Variants in KDM4C observed in about 807,000 individuals in gnomAD.
The protein encoded by KDM4C is lysine-specific demethylase 4C.
A neutral mutation model predicts 129.3 loss-of-function variants in KDM4C; 81 were observed. The ratio of observed to expected loss-of-function variants is 0.63; its 90% CI spans 0.52 to 0.75. The LOEUF (loss-of-function observed/expected upper bound fraction) is 0.75. Among genes scored for constraint, KDM4C ranks in the 30% least tolerant of loss-of-function variants. The probability of loss-of-function intolerance (pLI) is 0.00; values close to 1 mark genes in which losing one functional copy is unlikely to be tolerated. For synonymous variants in KDM4C, 573 were observed against 456.1 expected, an observed-to-expected ratio of 1.26 and a Z score of -3.26; for missense variants, 1,457 against 1,304.0, an observed-to-expected ratio of 1.12 and a Z score of -1.81.
chr9:6,861,296 A>G (rs1840876327), intron 5 of KDM4C, among the ~76,000 whole-genome samples: 1 of 152,180 alleles, frequency 6.6e-6, no homozygotes, highest in Admixed American at 6.5e-5. Context: ...TGGTACATGT[A>G]TCCTATTTTT....
At chr9:6,732,827 G>A (rs201919315) in intron 1 of KDM4C, among the ~76,000 whole-genome samples, 1 of 152,132 alleles carries the variant, frequency 6.6e-6, no homozygotes, top group Admixed American at 6.6e-5. Context: ...AGCCTGGCCA[G>A]CATGGCGAAA....
Position 6,824,624 on chromosome 9 carries a change from G to A in KDM4C, c.435+9879G>A, listed in dbSNP as rs188773170. Among the ~76,000 whole-genome samples the A allele has an allele frequency of 3.4e-4, 48 of 139,172 alleles. No individual in the cohort carries two copies. In the East Asian group the frequency reaches 9.4e-3, roughly 27 times the overall value. The allele number at this position is 139,172 out of a possible 152,430, so 91.3% of individuals were successfully genotyped here. A position where few individuals can be genotyped will look rare whatever the true frequency, so the allele number is the denominator to read the frequency against. On this transcript the variant is annotated intron_variant, in intron 4 of 21. Coordinates refer to ENST00000381309, the MANE Select transcript of KDM4C (RefSeq NM_015061.6). Reference sequence around the variant, plus strand: ...ATTAAGGCCGGGCGTGGTGGCTCACGCAAGACTCCGTCTCAAAAAAAAAAA... The same window carrying A: ...ATTAAGGCCGGGCGTGGTGGCTCACACAAGACTCCGTCTCAAAAAAAAAAA...
chr9:7,035,771 C>A (rs1170189015), intron 15 of KDM4C, among the ~76,000 whole-genome samples: 2 of 152,094 alleles, frequency 1.3e-5, no homozygotes, highest in Non-Finnish European at 2.9e-5. Flanking sequence ...GTTCATGGCA[C>A]CTTTGTCCAA....
chr9:7,025,351 C>T (rs568008674), intron 15 of KDM4C, among the ~76,000 whole-genome samples: 5 of 152,038 alleles, frequency 3.3e-5, no homozygotes, highest in Admixed American at 2.6e-4. Flanking sequence ...GAGTTTAGTG[C>T]GTTTCCATTG....
At chr9:6,944,986 T>C (rs955950884) in intron 8 of KDM4C, among the ~76,000 whole-genome samples, 1 of 152,208 alleles carries the variant, frequency 6.6e-6, no homozygotes, top group Non-Finnish European at 1.5e-5. Context: ...TTTTTGCATG[T>C]GTTTCAATGA....
At chr9:6,846,556 CT>C (rs1287619019) in intron 4 of KDM4C, among the ~76,000 whole-genome samples, 5 of 152,158 alleles carry the variant, frequency 3.3e-5, no homozygotes, top group Non-Finnish European at 7.4e-5. Flanking sequence ...AGATTTATCT[CT>C]GTTGGTTATT....
chr9:6,886,294 T>C (rs1417055923), intron 6 of KDM4C, among the ~76,000 whole-genome samples: 1 of 152,074 alleles, frequency 6.6e-6, no homozygotes, highest in African/African-American at 2.4e-5. Flanking sequence ...ACATTTCTCA[T>C]GTTTTATTGA....
chr9:7,036,503 C>G (rs1475335025), intron 15 of KDM4C, among the ~76,000 whole-genome samples: 1 of 152,124 alleles, frequency 6.6e-6, no homozygotes, highest in Admixed American at 6.6e-5. Context: ...CTGAACACCT[C>G]AAATTAATTT....
In KDM4C at chr9:6,932,661, C is replaced by A. The variant is rs989689198; in HGVS notation, c.921+39429C>A. On this transcript the variant is annotated intron_variant, in intron 8 of 21. Coordinates refer to ENST00000381309, the MANE Select transcript of KDM4C (RefSeq NM_015061.6). Reference sequence around the variant, plus strand: ...TGGTGCACAGCCAAAGCAGCAGAGCCAAACTGCAACCCGTGTGTGGCCATT... The same window carrying A: ...TGGTGCACAGCCAAAGCAGCAGAGCAAAACTGCAACCCGTGTGTGGCCATT... Among the ~76,000 whole-genome samples the A allele has an allele frequency of 9.8e-5, 15 of 152,304 alleles. No homozygotes were observed. The East Asian group carries it at 1.9e-3, about 20-fold the overall frequency.
intron 19 of KDM4C, among the ~76,000 whole-genome samples, chr9:7,154,311 A>T (rs1347748368): frequency 2.0e-5 from 3 of 152,218 alleles, no homozygotes; most frequent in Non-Finnish European, 4.4e-5. Flanking sequence ...GCCCCAGGTC[A>T]CCTAAGCATT....
At chr9:7,079,308 A>G (rs1028711914) in intron 17 of KDM4C, among the ~76,000 whole-genome samples, 5 of 152,138 alleles carry the variant, frequency 3.3e-5, no homozygotes, top group African/African-American at 4.8e-5. Context: ...ATTAATCTCT[A>G]CAAGAGTGAC....
intron 17 of KDM4C, among the ~76,000 whole-genome samples, chr9:7,070,664 C>T (rs1011228876): frequency 2.7e-4 from 41 of 151,924 alleles, no homozygotes; most frequent in African/African-American, 9.9e-4. Flanking sequence ...ACATTGATTC[C>T]CAATAAAAAC....
At chr9:6,988,986 T>C (rs1818248556) in intron 11 of KDM4C, among the ~76,000 whole-genome samples, 1 of 151,972 alleles carries the variant, frequency 6.6e-6, no homozygotes, top group Admixed American at 6.6e-5. Context: ...ATGTATTCCC[T>C]TACCCCTCTA....
chr9:7,080,318 A>C (rs1165242944), intron 17 of KDM4C, among the ~76,000 whole-genome samples: 2 of 152,330 alleles, frequency 1.3e-5, no homozygotes, highest in East Asian at 3.9e-4. Flanking sequence ...AAATGTTGAG[A>C]TCACAGCACT....
intron 8 of KDM4C, chr9:6,925,083 T>G: frequency 1.0e-6 from 1 of 985,444 alleles, no homozygotes; most frequent in Non-Finnish European, 1.2e-6. Context: ...CTTTTTAAAA[T>G]TTAGCTTTCT....
At chr9:7,159,475 G>A (rs189107485) in intron 19 of KDM4C, among the ~76,000 whole-genome samples, 11 of 152,304 alleles carry the variant, frequency 7.2e-5, no homozygotes, top group Non-Finnish European at 1.3e-4. Context: ...GCTACCGGTT[G>A]TTTCTTTCCA....
intron 8 of KDM4C, chr9:6,924,735 G>C (rs1822164227): frequency 1.0e-6 from 1 of 981,792 alleles, no homozygotes. Flanking sequence ...GATTTTGTCT[G>C]AGGAGTTTTT....
At chr9:6,814,308 TTAGCA>T (rs1275471943) in intron 3 of KDM4C, among the ~76,000 whole-genome samples, 1 of 152,138 alleles carries the variant, frequency 6.6e-6, no homozygotes, top group Non-Finnish European at 1.5e-5. Flanking sequence ...GTAAAATTTC[TTAGCA>T]TAGTATAGTT....
At chr9:6,724,662 C>A (rs932775724) in intron 1 of KDM4C, among the ~76,000 whole-genome samples, 2 of 152,114 alleles carry the variant, frequency 1.3e-5, no homozygotes, top group African/African-American at 4.8e-5. Flanking sequence ...TCCCGAGCAG[C>A]TGGTACTACA....
Sources: gnomAD v4.1 joint callset for allele counts (sites outside exome capture counted in the v4.1 genomes callset) on GRCh38, gnomAD v4.1.1 for gene constraint, MANE v1.5 for transcripts, NCBI Gene and HGNC (gene_info 2026-07-23, HGNC 2026-07-21) for gene names.